Variants in SRP9 observed in about 807,000 individuals in gnomAD.
The protein encoded by SRP9 is signal recognition particle 9, also known as signal recognition particle 9 kDa protein.
In SRP9, 2 loss-of-function variants were observed where a neutral mutation model predicts 11.7. The ratio of observed to expected loss-of-function variants is 0.17; its 90% CI spans 0.07 to 0.54. The LOEUF (loss-of-function observed/expected upper bound fraction) is 0.54, where lower values mean the gene tolerates loss of function less well. Among genes scored for constraint, SRP9 ranks in the 20% least tolerant of loss-of-function variants. SRP9 has a pLI of 0.94. For synonymous variants in SRP9, 27 were observed against 35.6 expected (o/e 0.76, Z 0.86); for missense variants, 54 against 108.1 (o/e 0.50, Z 2.22).
chr1:225,788,794 CA>C (rs1354219927), intron 2 of SRP9, among the ~76,000 whole-genome samples: 1 of 152,138 alleles, frequency 6.6e-6, no homozygotes, highest in African/African-American at 2.4e-5. Flanking sequence ...AAATTATTAT[CA>C]AACCCCCAAT....
intron 2 of SRP9, among the ~76,000 whole-genome samples, chr1:225,788,519 G>A (rs910687020): frequency 1.3e-5 from 2 of 149,296 alleles, no homozygotes; most frequent in Non-Finnish European, 3.0e-5. Context: ...GGGTTCAAGC[G>A]ATTCTCCTGC....
At position 225,789,410 on chromosome 1, in the gene SRP9, G is replaced by C; in HGVS notation, c.*51G>C. ...TGTACTTAGGAAGTAAATATCTTTT[G>C]AATTAGAGAAAGTGTTGGGACAGAA... On this transcript the variant is annotated 3_prime_UTR_variant, in exon 3 of 3. Transcript: ENST00000304786. The C allele has an allele frequency of 6.8e-7, 1 of 1,473,806 alleles. No homozygotes were observed. The highest frequency in any genetic ancestry group is 9.2e-7 in the Non-Finnish European group (1 of 1,090,838). The allele number at this position is 1,473,806 out of a possible 1,614,324, so 91.3% of individuals were successfully genotyped here.
At chr1:225,780,466 G>A (rs773340983) in intron 1 of SRP9, among the ~76,000 whole-genome samples, 7 of 152,208 alleles carry the variant, frequency 4.6e-5, no homozygotes, top group Non-Finnish European at 8.8e-5. Context: ...TGCAACCTCC[G>A]CCTCTACGTG....
chr1:225,784,354 C>T (rs1419327079), intron 2 of SRP9, among the ~76,000 whole-genome samples: 2 of 142,108 alleles, frequency 1.4e-5, no homozygotes, highest in Non-Finnish European at 3.0e-5. Context: ...TCATGCCATT[C>T]TTCTGCCTCA....
At chr1:225,780,516 A>G (rs1018289172) in intron 1 of SRP9, among the ~76,000 whole-genome samples, 2 of 152,202 alleles carry the variant, frequency 1.3e-5, no homozygotes, top group African/African-American at 2.4e-5. Context: ...CAGGCATTTA[A>G]TATATATTTA....
chr1:225,785,420 T>C (rs1665887688), intron 2 of SRP9, among the ~76,000 whole-genome samples: 1 of 151,186 alleles, frequency 6.6e-6, no homozygotes, highest in Non-Finnish European at 1.5e-5. Context: ...TCTCGCTCTG[T>C]CGCCCAGGCT....
chr1:225,781,204 TTC>T (rs1353344949), intron 1 of SRP9, among the ~76,000 whole-genome samples: 2 of 152,150 alleles, frequency 1.3e-5, no homozygotes, highest in African/African-American at 4.8e-5. Flanking sequence ...GTTACTTGTT[TTC>T]TCTCTTTAGC....
chr1:225,787,031 A>G (rs543491041), intron 2 of SRP9: 1 of 328,896 alleles, frequency 3.0e-6, no homozygotes, highest in Non-Finnish European at 5.9e-6. Context: ...TTTTGTCAAG[A>G]CAGGGTCTCA....
At chr1:225,782,494 A>T (rs1435526340) in intron 1 of SRP9, among the ~76,000 whole-genome samples, 1 of 152,202 alleles carries the variant, frequency 6.6e-6, no homozygotes, top group African/African-American at 2.4e-5. Context: ...ACAGCTAGCT[A>T]AACAAGAGTT....
At chr1:225,781,395 CTTTTTTT>C (rs11315558) in intron 1 of SRP9, among the ~76,000 whole-genome samples, 85 of 87,818 alleles carry the variant, frequency 9.7e-4, no homozygotes, top group Admixed American at 2.2e-3. Context: ...TTTTCTTTTT[CTTTTTTT>C]TTTTTTTTTT....
intron 1 of SRP9, among the ~76,000 whole-genome samples, chr1:225,781,271 G>T (rs754631506): frequency 4.4e-5 from 4 of 90,762 alleles, no homozygotes; most frequent in African/African-American, 1.1e-4. Context: ...TTGTGTTTTG[G>T]TTATTTTTGG....
At position 225,779,551 on chromosome 1, in the gene SRP9, C is replaced by T. The variant is rs113693189; in HGVS notation, c.72+1539C>T. Among the ~76,000 whole-genome samples the T allele has an allele frequency of 9.1e-3, 1,389 of 152,218 alleles. 23 individuals carry two copies. The highest frequency in any genetic ancestry group is 0.032 in the African/African-American group (1,308 of 41,514). On this transcript the variant is annotated intron_variant, in intron 1 of 2. Coordinates refer to ENST00000304786, the MANE Select transcript of SRP9 (RefSeq NM_003133.6). The stretch of plus-strand genomic sequence containing the variant: ...TAACCTGTAACTCCAATGCCACATA[C>T]AGTTTATAGTGCATATAAGTTTAAA...
In SRP9 at chr1:225,784,272, A is replaced by C. The variant is rs1431384709; in HGVS notation, c.141+904A>C. On this transcript the variant is annotated intron_variant, in intron 2 of 2. Transcript: ENST00000304786. ...TTTTTTTTTTTTTTTTTTGAGACGG[A>C]GTCTTGCTCTGTCGCCCAGGCTGGA... is the stretch of plus-strand genomic sequence containing the variant. Among the ~76,000 whole-genome samples, 13 of 83,886 alleles carry C rather than the reference A, an allele frequency of 1.5e-4. No homozygotes were observed. The South Asian group carries it at 1.8e-3, about 12-fold the overall frequency. The allele number at this position is 83,886 out of a possible 152,430, so 55.0% of individuals were successfully genotyped here.
intron 1 of SRP9, among the ~76,000 whole-genome samples, chr1:225,781,790 A>G (rs1000465567): frequency 6.6e-6 from 1 of 152,226 alleles, no homozygotes; most frequent in Non-Finnish European, 1.5e-5. Context: ...CATGCTTAGT[A>G]TATTTTTAAG....
At chr1:225,788,289 G>A (rs1665956626) in intron 2 of SRP9, among the ~76,000 whole-genome samples, 1 of 152,122 alleles carries the variant, frequency 6.6e-6, no homozygotes, top group Non-Finnish European at 1.5e-5. Flanking sequence ...CAGCTACTCA[G>A]GAAGCTGAGG....
intron 2 of SRP9, among the ~76,000 whole-genome samples, chr1:225,787,677 A>G (rs549790246): frequency 2.6e-5 from 4 of 152,218 alleles, no homozygotes; most frequent in Non-Finnish European, 5.9e-5. Flanking sequence ...AATCCCATGT[A>G]TCCATCATTT....
chr1:225,782,195 C>T (rs529682671), intron 1 of SRP9, among the ~76,000 whole-genome samples: 1 of 151,864 alleles, frequency 6.6e-6, no homozygotes, highest in Non-Finnish European at 1.5e-5. Context: ...AATGGAGTCT[C>T]GCTCTGTCCC....
chr1:225,788,931 CTA>C, intron 2 of SRP9: 1 of 1,411,706 alleles, frequency 7.1e-7, no homozygotes. Context: ...AAGAAAATAT[CTA>C]ATTCTAAGTC....
chr1:225,788,096 A>G (rs1486121913), intron 2 of SRP9, among the ~76,000 whole-genome samples: 1 of 152,234 alleles, frequency 6.6e-6, no homozygotes, highest in African/African-American at 2.4e-5. Context: ...AGATTCTACA[A>G]CAGATGGCTT....
Sources: allele counts gnomAD v4.1 joint callset (sites outside exome capture counted in the v4.1 genomes callset), GRCh38; gene constraint gnomAD v4.1.1; transcripts MANE v1.5; gene names NCBI Gene and HGNC (gene_info 2026-07-23, HGNC 2026-07-21).